GRID2: variants seen among roughly 807,000 people sequenced by gnomAD.
GRID2 encodes glutamate ionotropic receptor delta type subunit 2.
Under a neutral mutation model 114.8 loss-of-function variants are expected in GRID2, and 33 were observed. The ratio of observed to expected loss-of-function variants is 0.29; its 90% CI spans 0.22 to 0.38. The LOEUF is 0.38. Among genes scored for constraint, GRID2 ranks in the 10% least tolerant of loss-of-function variants. The pLI is 1.00. For missense variants in GRID2, 1,184 were observed against 1,257.7 expected (o/e 0.94, Z 0.89); for synonymous variants, 505 against 449.9 (o/e 1.12, Z -1.55).
intron 2 of GRID2, among the ~76,000 whole-genome samples, chr4:92,752,856 G>A (rs2149340034): frequency 6.6e-6 from 1 of 152,228 alleles, no homozygotes; most frequent in African/African-American, 2.4e-5. Context: ...TGCAGAAATT[G>A]GAACAAGTAT....
At chr4:93,228,880 A>G (rs1025809776) in intron 7 of GRID2, among the ~76,000 whole-genome samples, 2 of 152,222 alleles carry the variant, frequency 1.3e-5, no homozygotes, top group African/African-American at 2.4e-5. Context: ...GAGAGACACC[A>G]TAATATGTCA....
At chr4:93,333,607 T>C (rs1034163200) in intron 8 of GRID2, among the ~76,000 whole-genome samples, 15 of 152,188 alleles carry the variant, frequency 9.9e-5, no homozygotes, top group Non-Finnish European at 2.2e-4. Flanking sequence ...AATACTTAAA[T>C]ATCCACTGGG....
chr4:93,590,628 C>G lies in GRID2; in HGVS notation c.2194-35641C>G, dbSNP rs561221626. Among the ~76,000 whole-genome samples, 585 of 152,252 alleles carry G rather than the reference C, an allele frequency of 3.8e-3. 2 individuals are homozygous for G. The highest frequency in any genetic ancestry group is 0.013 in the African/African-American group (560 of 41,532). On this transcript the variant is annotated intron_variant, in intron 13 of 15. Coordinates refer to ENST00000282020, the MANE Select transcript of GRID2 (RefSeq NM_001510.4). ...TAGCTTGATGGGGATAGCATTGAAT[C>G]TGTAAATTACCTTGGGCAGTATGGC...
intron 1 of GRID2, among the ~76,000 whole-genome samples, chr4:92,397,721 C>G (rs1320243011): frequency 6.6e-6 from 1 of 151,786 alleles, no homozygotes; most frequent in East Asian, 1.9e-4. Context: ...GGGAAGGGGA[C>G]AAAATGTTAC....
intron 2 of GRID2, among the ~76,000 whole-genome samples, chr4:93,013,347 C>T (rs1722370845): frequency 6.6e-6 from 1 of 151,662 alleles, no homozygotes; most frequent in South Asian, 2.1e-4. Flanking sequence ...TTATTGACAC[C>T]ATATGTTAAT....
chr4:93,677,000 GGGTCAGGGAATTCCCTTTCCT>G (rs75684112), intron 14 of GRID2, among the ~76,000 whole-genome samples: 82,923 of 151,314 alleles, frequency 0.55, 24,178 homozygotes, highest in African/African-American at 0.76. Context: ...GAAGCGCAAG[GGGTCAGGGAATTCCCTTTCCT>G]GGTCAAGGAA....
At chr4:93,655,336 G>A (rs923851729) in intron 14 of GRID2, among the ~76,000 whole-genome samples, 8 of 151,982 alleles carry the variant, frequency 5.3e-5, no homozygotes, top group Non-Finnish European at 1.2e-4. Flanking sequence ...CTTGTCTTTG[G>A]GGCAATTATA....
chr4:93,723,637 C>T (rs1185556108), intron 14 of GRID2, among the ~76,000 whole-genome samples: 1 of 152,156 alleles, frequency 6.6e-6, no homozygotes, highest in Non-Finnish European at 1.5e-5. Flanking sequence ...TATGAACTTA[C>T]TATTTCCCCC....
chr4:93,595,007 C>G (rs909252121), intron 13 of GRID2, among the ~76,000 whole-genome samples: 1 of 152,162 alleles, frequency 6.6e-6, no homozygotes, highest in Non-Finnish European at 1.5e-5. Context: ...CAGAAATCAC[C>G]CATCTTCTGC....
At chr4:92,971,032 CAGA>C (rs1753480473) in intron 2 of GRID2, among the ~76,000 whole-genome samples, 1 of 151,518 alleles carries the variant, frequency 6.6e-6, no homozygotes, top group South Asian at 2.1e-4. Context: ...AAAATTTGTA[CAGA>C]AGAAGACTCA....
intron 9 of GRID2, among the ~76,000 whole-genome samples, chr4:93,415,534 A>G (rs1767619031): frequency 6.6e-6 from 1 of 152,078 alleles, no homozygotes; most frequent in South Asian, 2.1e-4. Context: ...TTTTCAAATG[A>G]ATGTCAGGCA....
chr4:92,789,475 C>T (rs1739473044), intron 2 of GRID2, among the ~76,000 whole-genome samples: 1 of 151,814 alleles, frequency 6.6e-6, no homozygotes, highest in African/African-American at 2.4e-5. Context: ...CTTTTATCCT[C>T]TCTCACAAAT....
At chr4:92,431,597 CAG>C in intron 1 of GRID2, among the ~76,000 whole-genome samples, 1 of 144,032 alleles carries the variant, frequency 6.9e-6, no homozygotes, top group Non-Finnish European at 1.5e-5. Flanking sequence ...TTTTTAATAA[CAG>C]TGTAATATCC....
chr4:92,704,943 C>T (rs907420031), intron 2 of GRID2, among the ~76,000 whole-genome samples: 4 of 152,170 alleles, frequency 2.6e-5, no homozygotes, highest in Admixed American at 1.3e-4. Context: ...CTTAATTATT[C>T]TATAAAATGC....
chr4:93,703,561 C>T lies in GRID2; in HGVS notation c.2361-65649C>T, dbSNP rs574488240. Among the ~76,000 whole-genome samples, 10 of 151,892 alleles carry T rather than the reference C, an allele frequency of 6.6e-5. No individual in the cohort carries two copies. In the South Asian group the frequency reaches 8.3e-4, roughly 13 times the overall value. ...GCACAACGTGCAGGTTAGTTACATA[C>T]GTAAACATGTGCCATGTTGGTGTGC... On this transcript the variant is annotated intron_variant, in intron 14 of 15. Coordinates refer to ENST00000282020, the MANE Select transcript of GRID2 (RefSeq NM_001510.4).
At chr4:92,468,452 G>T (rs1721861996) in intron 1 of GRID2, among the ~76,000 whole-genome samples, 1 of 151,768 alleles carries the variant, frequency 6.6e-6, no homozygotes, top group South Asian at 2.1e-4. Context: ...TTACCTACTT[G>T]GTGGCATCCT....
chr4:93,471,732 C>CTTTTTT (rs1231563139), intron 11 of GRID2, among the ~76,000 whole-genome samples: 5 of 24,722 alleles, frequency 2.0e-4, no homozygotes, highest in Admixed American at 5.9e-4. Flanking sequence ...GGAGTTTTTG[C>CTTTTTT]TCTTGTTGCC....
At chr4:92,978,372 A>T (rs555487053) in intron 2 of GRID2, among the ~76,000 whole-genome samples, 1 of 152,158 alleles carries the variant, frequency 6.6e-6, no homozygotes, top group East Asian at 1.9e-4. Flanking sequence ...AAGAACCTCT[A>T]TAAGAGGAAG....
chr4:93,542,925 G>A (rs1335495435), intron 13 of GRID2, among the ~76,000 whole-genome samples: 3 of 151,932 alleles, frequency 2.0e-5, no homozygotes, highest in Non-Finnish European at 4.4e-5. Context: ...GTAGATCCTG[G>A]TCATATATGA....
Sources: gnomAD v4.1 joint callset for allele counts (sites outside exome capture counted in the v4.1 genomes callset) on GRCh38, gnomAD v4.1.1 for gene constraint, MANE v1.5 for transcripts, NCBI Gene and HGNC (gene_info 2026-07-23, HGNC 2026-07-21) for gene names.